Variants in MTCL2 observed in about 807,000 individuals in gnomAD.
The protein encoded by MTCL2 is microtubule crosslinking factor 2.
the MTCL2 span, chr20:36,862,585 TG>T: frequency 7.4e-7 from 1 of 1,360,052 alleles, no homozygotes; most frequent in Non-Finnish European, 9.6e-7. Context: ...GAGGGCCGGC[TG>T]GTGCCTCAGG....
At chr20:36,845,981 G>A in the MTCL2 span, among the ~76,000 whole-genome samples, 7 of 152,130 alleles carry the variant, frequency 4.6e-5, no homozygotes, top group Admixed American at 4.6e-4. Flanking sequence ...CAGCTCCACT[G>A]GACTCAGTAG....
chr20:36,849,059 C>CTTTTTTTTTTTTTT, the MTCL2 span, among the ~76,000 whole-genome samples: 1 of 10,814 alleles, frequency 9.2e-5, no homozygotes, highest in Non-Finnish European at 1.7e-4. Context: ...TAGTTGGTTT[C>CTTTTTTTTTTTTTT]CTTTTTTTTT....
At chr20:36,778,258 T>G in the MTCL2 span, 1 of 157,116 alleles carries the variant, frequency 6.4e-6, no homozygotes, top group Non-Finnish European at 1.4e-5. Context: ...CCACCTGTTC[T>G]TGGCCTAGCC....
chr20:36,792,255 C>G, the MTCL2 span, among the ~76,000 whole-genome samples: 1 of 152,142 alleles, frequency 6.6e-6, no homozygotes, highest in East Asian at 1.9e-4. Context: ...CGCCTGTAAT[C>G]CTAACACTTT....
At chr20:36,817,595 A>G in the MTCL2 span, 1 of 794,188 alleles carries the variant, frequency 1.3e-6, no homozygotes, top group Non-Finnish European at 1.9e-6. Flanking sequence ...AGGCCACCCC[A>G]CCCTGATGGC....
chr20:36,819,896 A>G, the MTCL2 span, among the ~76,000 whole-genome samples: 1 of 152,194 alleles, frequency 6.6e-6, no homozygotes, highest in African/African-American at 2.4e-5. Flanking sequence ...GGGAGCTTTC[A>G]AAAGCTGGAA....
At chr20:36,794,715 T>C in the MTCL2 span, 2 of 1,345,810 alleles carry the variant, frequency 1.5e-6, no homozygotes, top group African/African-American at 2.9e-5. This position sits in a 1 kb window ranked among gnomAD's most constrained non-coding sequence, Gnocchi z 5.4. Flanking sequence ...ACCGTCTTGT[T>C]CACCTCTTGT....
chr20:36,853,854 G>T, the MTCL2 span, among the ~76,000 whole-genome samples: 1 of 152,268 alleles, frequency 6.6e-6, no homozygotes, highest in East Asian at 1.9e-4. Flanking sequence ...ATATCCACAG[G>T]CCCTACGGCC....
chr20:36,797,449 C>CTTTA, the MTCL2 span: 1 of 1,540,714 alleles, frequency 6.5e-7, no homozygotes, highest in Non-Finnish European at 8.8e-7. Context: ...AAGCAGGGAC[C>CTTTA]TTTATGGTGC....
At chr20:36,847,295 G>A in the MTCL2 span, among the ~76,000 whole-genome samples, 1 of 152,190 alleles carries the variant, frequency 6.6e-6, no homozygotes, top group East Asian at 1.9e-4. Context: ...CTGCTAGAAC[G>A]GCCTTTGCCA....
At chr20:36,831,805 C>G in the MTCL2 span, among the ~76,000 whole-genome samples, 1 of 152,210 alleles carries the variant, frequency 6.6e-6, no homozygotes, top group Admixed American at 6.5e-5. Context: ...AGATTCAAGC[C>G]CAGTTCCAGC....
the MTCL2 span, among the ~76,000 whole-genome samples, chr20:36,853,861 G>A: frequency 1.8e-4 from 28 of 152,226 alleles, no homozygotes; most frequent in Admixed American, 1.2e-3. Flanking sequence ...CAGGCCCTAC[G>A]GCCTCTGGGG....
chr20:36,813,291 C>T, the MTCL2 span, among the ~76,000 whole-genome samples: 2 of 109,192 alleles, frequency 1.8e-5, no homozygotes, highest in African/African-American at 7.5e-5. Context: ...CCAGCGTGGG[C>T]AACAGAGCAA....
At chr20:36,828,967 C>T in the MTCL2 span, 78 of 1,392,406 alleles carry the variant, frequency 5.6e-5, no homozygotes, top group East Asian at 5.2e-4. Context: ...TTCCCACAAG[C>T]GGGGGCTCAC....
the MTCL2 span, among the ~76,000 whole-genome samples, chr20:36,853,179 C>T: frequency 1.3e-5 from 2 of 152,082 alleles, no homozygotes; most frequent in African/African-American, 2.4e-5. Context: ...AGACTCACCA[C>T]GTCCTGCTCC....
the MTCL2 span, chr20:36,806,010 A>C: frequency 6.7e-7 from 1 of 1,490,564 alleles, no homozygotes; most frequent in Non-Finnish European, 9.1e-7. Context: ...CCCAAATTTT[A>C]ATTCCAACCT....
chr20:36,849,151 T>C, the MTCL2 span, among the ~76,000 whole-genome samples: 5 of 137,962 alleles, frequency 3.6e-5, no homozygotes, highest in South Asian at 5.0e-4. Flanking sequence ...AACCTCTGCC[T>C]CTGGGGTTCA....
chr20:36,794,649 G>A, the MTCL2 span: 17 of 1,612,266 alleles, frequency 1.1e-5, no homozygotes, highest in South Asian at 1.1e-4. This position sits in a 1 kb window ranked among gnomAD's most constrained non-coding sequence, Gnocchi z 5.4. Context: ...ATAACACTGA[G>A]GGCACACTCT....
At chr20:36,820,378 C>T in the MTCL2 span, among the ~76,000 whole-genome samples, 1 of 152,142 alleles carries the variant, frequency 6.6e-6, no homozygotes, top group Non-Finnish European at 1.5e-5. Flanking sequence ...ATTCAAAGTA[C>T]TAAGGGATCA....
Sources: gnomAD v4.1 joint callset for allele counts (sites outside exome capture counted in the v4.1 genomes callset) on GRCh38, gnomAD v4.1.1 for gene constraint, Gnocchi (gnomAD v3.1) non-coding constraint, MANE v1.5 for transcripts, NCBI Gene and HGNC (gene_info 2026-07-23, HGNC 2026-07-21) for gene names.